The following NDUFA10 variants were observed in gnomAD, a reference collection of about 807,000 sequenced individuals.
NDUFA10 encodes NADH dehydrogenase [ubiquinone] 1 alpha subcomplex subunit 10, mitochondrial.
Under a neutral mutation model 47.8 loss-of-function variants are expected in NDUFA10, and 40 were observed. That is an observed-to-expected ratio of 0.84 (90% confidence interval 0.65 to 1.09). The LOEUF (loss-of-function observed/expected upper bound fraction) is 1.09, where lower values mean the gene tolerates loss of function less well. Ranked by LOEUF, NDUFA10 falls within the 50% of genes least tolerant of loss-of-function variation. The pLI is 0.00. For missense variants in NDUFA10, 413 were observed against 451.1 expected (o/e 0.92, Z 0.76); for synonymous variants, 183 against 172.2 (o/e 1.06, Z -0.49).
intron 8 of NDUFA10, among the ~76,000 whole-genome samples, chr2:239,994,866 C>T (rs986235221): frequency 7.9e-5 from 12 of 152,170 alleles, no homozygotes; most frequent in African/African-American, 2.9e-4. Context: ...GCTTCAGCTC[C>T]AAAGGGTGAA....
intron 4 of NDUFA10, among the ~76,000 whole-genome samples, chr2:239,944,826 G>A (rs926975064): frequency 6.6e-6 from 1 of 152,078 alleles, no homozygotes; most frequent in Admixed American, 6.5e-5. Context: ...GAGCCTTGGG[G>A]CCATAGTAAC....
chr2:239,944,491 G>A (rs768506118), intron 4 of NDUFA10, among the ~76,000 whole-genome samples: 6 of 152,214 alleles, frequency 3.9e-5, no homozygotes, highest in Non-Finnish European at 7.3e-5. Context: ...AGCTCATGGC[G>A]GGAAATGATT....
chr2:240,009,446 A>G (rs1697060723), intron 6 of NDUFA10, among the ~76,000 whole-genome samples: 1 of 152,266 alleles, frequency 6.6e-6, no homozygotes, highest in Admixed American at 6.5e-5. Context: ...ATGAGGAGAA[A>G]GACATGTACG....
intron 9 of NDUFA10, among the ~76,000 whole-genome samples, chr2:239,973,108 G>C (rs1389899965): frequency 1.3e-5 from 2 of 152,224 alleles, no homozygotes; most frequent in African/African-American, 4.8e-5. Context: ...CGGGCATACA[G>C]ATTAACGCCG....
Position 239,960,182 on chromosome 2 carries a change from G to T in NDUFA10, c.*936C>A, listed in dbSNP as rs1416401257. The stretch of plus-strand genomic sequence containing the variant: ...ACAACTGGCAGCCTGATTCCTAATG[G>T]ACACAGTGGAGCTTTACAGTGGAAA... On this transcript the variant is annotated 3_prime_UTR_variant, in exon 10 of 10. Coordinates refer to ENST00000252711, the MANE Select transcript of NDUFA10 (RefSeq NM_004544.4). The T allele has an allele frequency of 3.1e-6, 3 of 980,432 alleles. No individual in the cohort carries two copies. The African/African-American group carries it at 5.7e-5, about 19-fold the overall frequency. 60.7% of individuals were successfully genotyped at this position (980,432 alleles called of 1,614,324 possible).
intron 9 of NDUFA10, among the ~76,000 whole-genome samples, chr2:239,973,087 T>A (rs1695366375): frequency 6.6e-6 from 1 of 152,196 alleles, no homozygotes; most frequent in African/African-American, 2.4e-5. Flanking sequence ...TACACAGAGA[T>A]GTAAATAACT....
chr2:239,952,067 C>T (rs1694563975), intron 4 of NDUFA10, among the ~76,000 whole-genome samples: 1 of 152,076 alleles, frequency 6.6e-6, no homozygotes. Flanking sequence ...CACTAGAGGT[C>T]TGCACAGGAG....
At chr2:240,011,455 C>A (rs541560893) in intron 6 of NDUFA10, among the ~76,000 whole-genome samples, 162 bp downstream of exon 6, 1 of 152,306 alleles carries the variant, frequency 6.6e-6, no homozygotes, top group South Asian at 2.1e-4. Flanking sequence ...AAAAATCAAA[C>A]TGAAATGTCT....
intron 8 of NDUFA10, among the ~76,000 whole-genome samples, chr2:240,002,481 T>C (rs978861044): frequency 6.6e-6 from 1 of 152,226 alleles, no homozygotes; most frequent in Non-Finnish European, 1.5e-5. Context: ...CACCATTTTA[T>C]ACAGTAGTCA....
At chr2:239,918,749 G>A (rs978360457) in intron 4 of NDUFA10, among the ~76,000 whole-genome samples, 2 of 152,160 alleles carry the variant, frequency 1.3e-5, no homozygotes, top group Admixed American at 6.5e-5. Flanking sequence ...ATCCAGCATT[G>A]GGACCACGCA....
At position 239,959,711 on chromosome 2, in the gene NDUFA10, G is replaced by A. The variant is rs1380589273; in HGVS notation, c.*1407C>T. 3 of 814,164 alleles carry A rather than the reference G, an allele frequency of 3.7e-6. No individual in the cohort carries two copies. The African/African-American group carries it at 5.7e-5, about 15-fold the overall frequency. The allele number at this position is 814,164 out of a possible 1,614,324, so 50.4% of individuals were successfully genotyped here. On this transcript the variant is annotated 3_prime_UTR_variant, in exon 10 of 10. Coordinates refer to ENST00000252711, the MANE Select transcript of NDUFA10 (RefSeq NM_004544.4). Reference sequence around the variant, plus strand: ...AGGAGGGAAGGAAAGAGGCAGGGAGGAAAACAAGGACAGACGGAAGGAAGG... The same window carrying A: ...AGGAGGGAAGGAAAGAGGCAGGGAGAAAAACAAGGACAGACGGAAGGAAGG...
intron 4 of NDUFA10, among the ~76,000 whole-genome samples, chr2:239,925,428 A>T (rs1248312949): frequency 6.6e-6 from 1 of 152,238 alleles, no homozygotes; most frequent in Non-Finnish European, 1.5e-5. Flanking sequence ...TGGGGAAGGG[A>T]TAGTCTTTCT....
chr2:239,934,873 C>T (rs1040092336), intron 4 of NDUFA10, among the ~76,000 whole-genome samples: 1 of 152,180 alleles, frequency 6.6e-6, no homozygotes, highest in Non-Finnish European at 1.5e-5. Flanking sequence ...CTCAGACAAC[C>T]CCACTCCCTC....
At chr2:240,012,952 A>G (rs979808131) in intron 5 of NDUFA10, 3 of 152,378 alleles carry the variant, frequency 2.0e-5, no homozygotes, top group East Asian at 1.9e-4. Context: ...TGAAATCAAC[A>G]AAAGTATAAA....
chr2:239,916,654 G>C lies in NDUFA10; in HGVS notation c.295-21340C>G, dbSNP rs377150649. ...CCATTCCAGAGGCTGAGAAGTCCAGGGTCCAGGCACCAGCAGGTTTGGTGT... is the reference window on the plus strand; with the variant it reads ...CCATTCCAGAGGCTGAGAAGTCCAGCGTCCAGGCACCAGCAGGTTTGGTGT... On this transcript the variant is annotated intron_variant, in intron 4 of 5. Coordinates refer to the NDUFA10 transcript ENST00000419408. Among the ~76,000 whole-genome samples, 19 of 152,380 alleles carry C rather than the reference G, an allele frequency of 1.2e-4. No homozygotes were observed. The East Asian group carries it at 3.5e-3, about 28-fold the overall frequency.
intron 9 of NDUFA10, among the ~76,000 whole-genome samples, chr2:239,981,735 T>G (rs1311366437): frequency 6.6e-6 from 1 of 152,186 alleles, no homozygotes; most frequent in Non-Finnish European, 1.5e-5. Flanking sequence ...CATGTTACAA[T>G]ACACAGACCA....
intron 5 of NDUFA10, among the ~76,000 whole-genome samples, chr2:239,893,624 T>C (rs1031392491): frequency 1.3e-5 from 2 of 152,134 alleles, no homozygotes; most frequent in Admixed American, 1.3e-4. Context: ...GGGGTGGAAG[T>C]GCCCTGCTCA....
intron 9 of NDUFA10, chr2:239,983,823 A>G: frequency 6.8e-7 from 1 of 1,477,994 alleles, no homozygotes; most frequent in African/African-American, 1.4e-5. Flanking sequence ...ACCAAGAGGT[A>G]CCTAAGGAGA....
In NDUFA10 at chr2:239,959,934, G is replaced by T. The variant is rs1018872746; in HGVS notation, c.*1184C>A. 2 of 985,390 alleles carry T rather than the reference G, an allele frequency of 2.0e-6. No individual in the cohort carries two copies. The highest frequency in any genetic ancestry group is 6.1e-5 in the Admixed American group (1 of 16,270). 61.0% of individuals were successfully genotyped at this position (985,390 alleles called of 1,614,324 possible). ...CTCCGCAGCAGCGAGGCCTGGTAGAGCTTCCGCGGGGAGCAGAGCATCGTC... is the reference window on the plus strand; with the variant it reads ...CTCCGCAGCAGCGAGGCCTGGTAGATCTTCCGCGGGGAGCAGAGCATCGTC... On this transcript the variant is annotated 3_prime_UTR_variant, in exon 10 of 10. Transcript: ENST00000252711.
Sources: allele counts gnomAD v4.1 joint callset (sites outside exome capture counted in the v4.1 genomes callset), GRCh38; gene constraint gnomAD v4.1.1; transcripts MANE v1.5; gene names NCBI Gene and HGNC (gene_info 2026-07-23, HGNC 2026-07-21).